The following SLC39A11 variants were observed in gnomAD, a reference collection of about 807,000 sequenced individuals.
SLC39A11 encodes solute carrier family 39 member 11.
Under a neutral mutation model 36.1 loss-of-function variants are expected in SLC39A11, and 33 were observed. The ratio of observed to expected loss-of-function variants is 0.91; its 90% CI spans 0.69 to 1.22. The LOEUF (loss-of-function observed/expected upper bound fraction) is 1.22, where lower values mean the gene tolerates loss of function less well. SLC39A11 is among the 50% of genes most tolerant of loss of function. SLC39A11 has a pLI of 0.00. For synonymous variants in SLC39A11, 166 were observed against 170.3 expected (o/e 0.97, Z 0.20); for missense variants, 432 against 430.3 (o/e 1.00, Z -0.03).
chr17:72,714,200 A>T (rs1439360163), intron 7 of SLC39A11, among the ~76,000 whole-genome samples: 7 of 152,074 alleles, frequency 4.6e-5, no homozygotes, highest in Non-Finnish European at 1.0e-4. Context: ...TACTAAAAAT[A>T]CAAAACTTAG....
rs186006715 is a variant in SLC39A11, at chr17:72,718,085, T to C, written c.671+18565A>G. On this transcript the variant is annotated intron_variant, in intron 7 of 9. Transcript: ENST00000255559. ...GTTAACACCGAATACAAAATCTCTA[T>C]CTGTCCCTCACTGTGGATTTTTTAC... Among the ~76,000 whole-genome samples the C allele has an allele frequency of 2.6e-3, 395 of 152,354 alleles. 4 individuals carry two copies. The highest frequency in any genetic ancestry group is 9.1e-3 in the African/African-American group (379 of 41,576).
At chr17:72,677,529 G>A (rs547883430) in intron 7 of SLC39A11, among the ~76,000 whole-genome samples, 23 of 152,204 alleles carry the variant, frequency 1.5e-4, no homozygotes, top group Non-Finnish European at 1.9e-4. Context: ...CAAATTTAAA[G>A]CCGGAAGTGA....
chr17:72,661,431 GT>G (rs1489448153), intron 7 of SLC39A11, among the ~76,000 whole-genome samples: 1 of 152,178 alleles, frequency 6.6e-6, no homozygotes, highest in African/African-American at 2.4e-5. Context: ...TCCCTGGCCG[GT>G]TGATTATGAA....
At chr17:73,063,484 G>C (rs964610345) in intron 3 of SLC39A11, among the ~76,000 whole-genome samples, 1 of 152,020 alleles carries the variant, frequency 6.6e-6, no homozygotes, top group Non-Finnish European at 1.5e-5. Context: ...GTGCAGTGGC[G>C]CGTGCCTGTA....
At chr17:72,852,370 A>C (rs1567824833) in intron 5 of SLC39A11, among the ~76,000 whole-genome samples, 2 of 152,100 alleles carry the variant, frequency 1.3e-5, no homozygotes, top group Non-Finnish European at 2.9e-5. Context: ...GCTGAATCTC[A>C]GTTCCATTAG....
At chr17:72,782,337 C>T (rs141895126) in intron 6 of SLC39A11, among the ~76,000 whole-genome samples, 2,180 of 152,220 alleles carry the variant, frequency 0.014, 54 homozygotes, top group African/African-American at 0.048. Flanking sequence ...CAGCTTGCTC[C>T]GGGGTCTTTC....
At chr17:72,743,407 G>T (rs2144151361) in intron 6 of SLC39A11, among the ~76,000 whole-genome samples, 1 of 152,342 alleles carries the variant, frequency 6.6e-6, no homozygotes, top group East Asian at 1.9e-4. Context: ...GGCCAGGCCA[G>T]TAGCAGGGGA....
intron 4 of SLC39A11, among the ~76,000 whole-genome samples, chr17:73,012,106 C>G (rs2090555852): frequency 6.6e-6 from 1 of 151,526 alleles, no homozygotes; most frequent in African/African-American, 2.4e-5. Context: ...GAAAACCCAT[C>G]TCTACCAAAA....
At chr17:72,965,645 T>A (rs528194612) in intron 4 of SLC39A11, among the ~76,000 whole-genome samples, 132 of 152,350 alleles carry the variant, frequency 8.7e-4, no homozygotes, top group Non-Finnish European at 1.0e-3. Context: ...TGACTTACAG[T>A]ATTTTCAGCT....
At chr17:72,709,362 T>C (rs760033829) in intron 7 of SLC39A11, among the ~76,000 whole-genome samples, 1 of 152,202 alleles carries the variant, frequency 6.6e-6, no homozygotes, top group Non-Finnish European at 1.5e-5. Flanking sequence ...CCTCCCAAAG[T>C]GCTGGGAATA....
At chr17:73,089,306 C>A (rs2060847875) in intron 1 of SLC39A11, among the ~76,000 whole-genome samples, 1 of 152,144 alleles carries the variant, frequency 6.6e-6, no homozygotes, top group Non-Finnish European at 1.5e-5. Flanking sequence ...TACCCACCAA[C>A]CCCCGACTCT....
intron 6 of SLC39A11, among the ~76,000 whole-genome samples, chr17:72,848,934 C>G (rs2079173498): frequency 6.6e-6 from 1 of 152,130 alleles, no homozygotes; most frequent in African/African-American, 2.4e-5. Flanking sequence ...GAGTTTTTGG[C>G]TTCCCCAAAA....
intron 6 of SLC39A11, among the ~76,000 whole-genome samples, chr17:72,756,989 G>GAA (rs34241516): frequency 8.2e-4 from 107 of 131,150 alleles, no homozygotes; most frequent in Non-Finnish European, 1.2e-3. Flanking sequence ...CTCTGCTAGG[G>GAA]AAAAAAAAAA....
chr17:73,077,316 T>C lies in SLC39A11; in HGVS notation c.147+7492A>G, dbSNP rs147004783. 4.1e-3 allele frequency among the ~76,000 whole-genome samples: 626 copies of C among 152,186 alleles called. 5 individuals carry two copies. The highest frequency in any genetic ancestry group is 0.014 in the African/African-American group (583 of 41,526). On this transcript the variant is annotated intron_variant, in intron 3 of 9. Coordinates refer to ENST00000255559, the MANE Select transcript of SLC39A11 (RefSeq NM_139177.4). Reference sequence around the variant, plus strand: ...GCAACTACCTCATATTCAAGAACAATGTTTGTTATTGTTGTTTTGGGAGTG... The same window carrying C: ...GCAACTACCTCATATTCAAGAACAACGTTTGTTATTGTTGTTTTGGGAGTG...
chr17:72,656,864 C>G (rs903580381), intron 7 of SLC39A11, among the ~76,000 whole-genome samples: 1 of 151,968 alleles, frequency 6.6e-6, no homozygotes, highest in Non-Finnish European at 1.5e-5. Context: ...ACATCGAAGG[C>G]CGGGCATGGT....
At chr17:72,716,702 C>CT (rs2073381750) in intron 7 of SLC39A11, among the ~76,000 whole-genome samples, 1 of 152,116 alleles carries the variant, frequency 6.6e-6, no homozygotes, top group African/African-American at 2.4e-5. Flanking sequence ...GGTGTGGTGG[C>CT]TCACGCCTGT....
chr17:73,006,086 C>T (rs538967068), intron 4 of SLC39A11, among the ~76,000 whole-genome samples: 112 of 152,216 alleles, frequency 7.4e-4, no homozygotes, highest in Non-Finnish European at 1.2e-3. Flanking sequence ...GTCATTGTCA[C>T]GACATGTCCC....
chr17:72,744,046 A>G (rs140771134), intron 6 of SLC39A11, among the ~76,000 whole-genome samples: 1 of 152,318 alleles, frequency 6.6e-6, no homozygotes, highest in Non-Finnish European at 1.5e-5. Context: ...CCACCTCCCC[A>G]TTGCCCTTGC....
chr17:72,779,000 A>G (rs900452179), intron 6 of SLC39A11, among the ~76,000 whole-genome samples: 1 of 152,148 alleles, frequency 6.6e-6, no homozygotes, highest in African/African-American at 2.4e-5. Flanking sequence ...TCACAACACA[A>G]GAGCTTTTAC....
Sources: gnomAD v4.1 joint callset for allele counts (sites outside exome capture counted in the v4.1 genomes callset) on GRCh38, gnomAD v4.1.1 for gene constraint, MANE v1.5 for transcripts, NCBI Gene and HGNC (gene_info 2026-07-23, HGNC 2026-07-21) for gene names.